The following ITGA2B variants were observed in gnomAD, a reference collection of about 807,000 sequenced individuals.
ITGA2B encodes the protein integrin subunit alpha 2b, also known as integrin alpha-IIb.
In ITGA2B, 91 loss-of-function variants were observed where a neutral mutation model predicts 142.0. The ratio of observed to expected loss-of-function variants is 0.64; its 90% CI spans 0.54 to 0.76. ITGA2B has a LOEUF of 0.76. Among genes scored for constraint, ITGA2B ranks in the 30% least tolerant of loss-of-function variants. ITGA2B has a pLI of 0.00. For synonymous variants in ITGA2B, 536 were observed against 567.2 expected (o/e 0.94, Z 0.78); for missense variants, 1,231 against 1,350.8 (o/e 0.91, Z 1.39).
chr17:44,388,917 G>A (rs566226842), intron 1 of ITGA2B, among the ~76,000 whole-genome samples: 56 of 148,668 alleles, frequency 3.8e-4, no homozygotes, highest in Non-Finnish European at 6.2e-4. Flanking sequence ...TGCCCGCCTC[G>A]GCCTCCCAAA....
intron 29 of ITGA2B, 166 bp downstream of exon 29, chr17:44,374,188 G>A (rs1269995983): frequency 5.5e-6 from 4 of 723,442 alleles, no homozygotes; most frequent in Non-Finnish European, 1.0e-5. Flanking sequence ...TTACAGGTGT[G>A]AGCCACCCCA....
intron 7 of ITGA2B, 49 bp from the exon 8 acceptor site, chr17:44,384,634 G>A: frequency 1.3e-6 from 2 of 1,598,064 alleles, no homozygotes; most frequent in Non-Finnish European, 1.7e-6. Context: ...GAAGCACAGA[G>A]GGGACGGAGG....
Position 44,378,445 on chromosome 17 carries a change from C to T in ITGA2B, c.2011G>A (p.Glu671Lys), listed in dbSNP as rs139410216. 71 of 1,613,578 alleles carry T rather than the reference C, an allele frequency of 4.4e-5. No individual in the cohort carries two copies. The highest frequency in any genetic ancestry group is 3.7e-4 in the South Asian group (34 of 90,810). Residue 671 changes from glutamate (E) to lysine (K), a missense_variant, in exon 20 of 30, where the codon GAG (glutamate) becomes AAG (lysine). Physicochemically the swap from Glu to Lys is moderately conservative, Grantham distance 56 (BLOSUM62 1). Around this residue, in one of 3 missense-constraint regions of ITGA2B, gnomAD observed 908 missense variants for 1,021.1 expected, o/e 0.89. Coordinates refer to ENST00000262407, the MANE Select transcript of ITGA2B (RefSeq NM_000419.5). ...TCTGCTTCATAGGCCCCCTCGCCCTCGTTGGCTGCGTCCATCTGCAGCTCC... is the reference window on the plus strand; with the variant it reads ...TCTGCTTCATAGGCCCCCTCGCCCTTGTTGGCTGCGTCCATCTGCAGCTCC... ...VLELQMDAAN[E>K]GEGAYEAELA... is the part of the protein sequence containing the mutation.
In ITGA2B at chr17:44,375,878, C is replaced by CT. The variant is rs2048538250; in HGVS notation, c.2555dup (p.Leu855ProfsTer68). The CT allele has an allele frequency of 1.9e-5, 31 of 1,604,842 alleles. No individual in the cohort carries two copies. Among genetic ancestry groups the CT allele is most frequent in the Non-Finnish European group, 2.6e-5 (31 of 1,176,096 alleles). ...GCTGTGGGAAGCACTGAAGGCCCCC[C>CT]TGGGGCTGTATATCCAGGATGTAGA... On this transcript the variant is annotated frameshift_variant, in exon 25 of 30. Coordinates refer to ENST00000262407, the MANE Select transcript of ITGA2B (RefSeq NM_000419.5). LOFTEE classifies it high-confidence loss of function.
intron 14 of ITGA2B, 34 bp from the exon 15 acceptor site, chr17:44,380,524 T>C (rs771241914): frequency 4.3e-6 from 7 of 1,613,672 alleles, no homozygotes; most frequent in Admixed American, 1.7e-5. Context: ...AGGCTTGCCA[T>C]TGTGGCTCCT....
chr17:44,388,944 C>G (rs964473945), intron 1 of ITGA2B, among the ~76,000 whole-genome samples: 2 of 151,724 alleles, frequency 1.3e-5, no homozygotes, highest in African/African-American at 2.4e-5. Flanking sequence ...GGATTACAGG[C>G]ATGAGCCACC....
chr17:44,374,497 A>G (rs1259653995), intron 28 of ITGA2B, 27 bp from the exon 29 acceptor site: 6 of 1,601,698 alleles, frequency 3.7e-6, no homozygotes, highest in Non-Finnish European at 5.1e-6. Flanking sequence ...GTGTCTCCTC[A>G]GTCACCTTGA....
At chr17:44,384,383 A>T in intron 8 of ITGA2B, 29 bp from the exon 9 acceptor site, 1 of 1,613,474 alleles carries the variant, frequency 6.2e-7, no homozygotes. Context: ...AGGCTCAGGG[A>T]ATGAGAGCCT....
chr17:44,382,729 T>C (rs9890900), intron 12 of ITGA2B, among the ~76,000 whole-genome samples: 16,151 of 152,098 alleles, frequency 0.11, 1,340 homozygotes, highest in African/African-American at 0.23. Flanking sequence ...CCTAATTGTA[T>C]CTTGCAGCAG....
Position 44,374,434 on chromosome 17 carries a change from C to T in ITGA2B, c.2980G>A (p.Ala994Thr), listed in dbSNP as rs1228144555. Residue 994 changes from alanine to threonine, a missense_variant, in exon 29 of 30, where the codon GCC becomes ACC. Ala to Thr is a moderately conservative substitution (Grantham distance 58). Transcript: ENST00000262407. ...ACCAGCACCCACCAGATTGGAATGGCCCTCTCCTCCAAGGCCCGGAGCAGC... is the reference window on the plus strand; with the variant it reads ...ACCAGCACCCACCAGATTGGAATGGTCCTCTCCTCCAAGGCCCGGAGCAGC... Reference protein sequence around the residue: ...TQLLRALEERAIPIWWVLVGV... With the variant: ...TQLLRALEERTIPIWWVLVGV... The T allele has an allele frequency of 3.1e-6, 5 of 1,614,052 alleles. No individual in the cohort carries two copies. Among genetic ancestry groups the T allele is most frequent in the Admixed American group, 1.7e-5 (1 of 60,006 alleles).
At chr17:44,375,216 G>A (rs2048530535) in intron 26 of ITGA2B, 105 bp from the exon 27 acceptor site, 3 of 953,148 alleles carry the variant, frequency 3.1e-6, no homozygotes, top group South Asian at 1.4e-5. Flanking sequence ...GGGGGTTCAG[G>A]AAGCGGTGGC....
intron 22 of ITGA2B, 86 bp from the exon 23 acceptor site, chr17:44,376,474 CAGAG>C (rs996430198): frequency 2.5e-5 from 30 of 1,196,116 alleles, no homozygotes; most frequent in Non-Finnish European, 1.2e-6. Context: ...TTAGAGAGTT[CAGAG>C]AGAGCTAATT....
chr17:44,378,541 C>T lies in ITGA2B; in HGVS notation c.1947-32G>A, dbSNP rs2048565606. The T allele has an allele frequency of 1.9e-6, 3 of 1,612,164 alleles. No homozygotes were observed. The South Asian group carries it at 3.3e-5, about 18-fold the overall frequency. ...GGAAAGAGGAGTGAAGCCAGGGAGC[C>T]TGGGTCTGGGCCCAGGATGTGGGAA... On this transcript the variant is annotated intron_variant, in intron 19 of 29. Coordinates refer to ENST00000262407, the MANE Select transcript of ITGA2B (RefSeq NM_000419.5).
Position 44,380,227 on chromosome 17 carries a change from C to A in ITGA2B, c.1600+19G>T. 6.2e-7 allele frequency: 1 copy of A among 1,614,108 alleles called. No individual in the cohort carries two copies. Among genetic ancestry groups the A allele is most frequent in the Non-Finnish European group, 8.5e-7 (1 of 1,180,000 alleles). ...GGAGTCCAAGCCCACCTCCCTCCTG[C>A]CCCCTTCATGCCACTCACATAGCTT... On this transcript the variant is annotated intron_variant, in intron 16 of 29. Transcript: ENST00000262407.
rs554920295 is a variant in ITGA2B, at chr17:44,384,620, G to T, written c.800-35C>A. ...AGGGCGCAAATTAGTCTTTTCCAGG[G>T]GAGGAAGCACAGAGGGGACGGAGGG... On this transcript the variant is annotated intron_variant, in intron 7 of 29. Coordinates refer to ENST00000262407, the MANE Select transcript of ITGA2B (RefSeq NM_000419.5). The T allele has an allele frequency of 1.9e-6, 3 of 1,612,598 alleles. No individual in the cohort carries two copies. In the Admixed American group the frequency reaches 5.0e-5, roughly 27 times the overall value.
At chr17:44,389,129 C>T (rs1474492228) in intron 1 of ITGA2B, among the ~76,000 whole-genome samples, 157 bp downstream of exon 1, 1 of 152,184 alleles carries the variant, frequency 6.6e-6, no homozygotes, top group Non-Finnish European at 1.5e-5. Context: ...AGCCAGTCCC[C>T]TGGACCCCAA....
chr17:44,385,580 A>C lies in ITGA2B; in HGVS notation c.545T>G (p.Leu182Arg). Residue 182 changes from leucine (L) to arginine (R), a missense_variant, in exon 4 of 30, where the codon CTG (leucine) becomes CGG (arginine). Coordinates refer to ENST00000262407, the MANE Select transcript of ITGA2B (RefSeq NM_000419.5). The part of the protein sequence containing the change: ...AEYSPCRGNT[L>R]SRIYVENDFS... ...ATCATTTTCCACGTAAATGCGGCTCAGGGTGTTCCCGCGACAGGGGGAGTA... is the reference window on the plus strand; with the variant it reads ...ATCATTTTCCACGTAAATGCGGCTCCGGGTGTTCCCGCGACAGGGGGAGTA... The C allele has an allele frequency of 6.2e-7, 1 of 1,605,794 alleles. No homozygotes were observed. The highest frequency in any genetic ancestry group is 1.1e-5 in the South Asian group (1 of 90,602).
Position 44,375,947 on chromosome 17 carries a change from G to C in ITGA2B, c.2487C>G (p.His829Gln). The change falls in exon 25 of 30, where the codon CAC becomes CAG. Residue 829 changes from histidine (H) to glutamine (Q), a missense_variant. This residue lies in a region of ITGA2B where 908 missense variants were observed against 1,021.1 expected (regional missense o/e 0.89). Coordinates refer to ENST00000262407, the MANE Select transcript of ITGA2B (RefSeq NM_000419.5). Reference sequence around the variant, plus strand: ...ACTGTCCCGGAAGGTGGATGCTGAGGTGAAGACCATTCACAGTCCCAGGGC... The same window carrying C: ...ACTGTCCCGGAAGGTGGATGCTGAGCTGAAGACCATTCACAGTCCCAGGGC... The part of the protein sequence containing the change: ...NNGPGTVNGL[H>Q]LSIHLPGQSQ... 6.2e-7 allele frequency: 1 copy of C among 1,614,158 alleles called. No individual in the cohort carries two copies. Among genetic ancestry groups the C allele is most frequent in the Non-Finnish European group, 8.5e-7 (1 of 1,180,028 alleles).
chr17:44,376,465 TAGAGAGTTC>T (rs1433361875), intron 22 of ITGA2B, 77 bp from the exon 23 acceptor site: 9 of 1,340,434 alleles, frequency 6.7e-6, no homozygotes, highest in Non-Finnish European at 9.7e-6. Context: ...GCCAGAATTT[TAGAGAGTTC>T]AGAGAGAGCT....
Sources: gnomAD v4.1 joint callset for allele counts (sites outside exome capture counted in the v4.1 genomes callset) on GRCh38, gnomAD v4.1.1 for gene constraint, gnomAD v4.1.1 regional missense constraint, MANE v1.5 for transcripts, NCBI Gene and HGNC (gene_info 2026-07-23, HGNC 2026-07-21) for gene names.